Variants in INTS4 observed in about 807,000 individuals in gnomAD.
The protein encoded by INTS4 is integrator complex subunit 4, also known as MSTP093.
INTS4 carries 70 observed loss-of-function variants against 119.5 expected under a neutral mutation model. The observed-to-expected ratio is 0.59, with a 90% CI of 0.48 to 0.71. The LOEUF is 0.71. Among genes scored for constraint, INTS4 ranks in the 30% least tolerant of loss-of-function variants. The pLI is 0.00. For missense variants in INTS4, 867 were observed against 1,173.2 expected, an observed-to-expected ratio of 0.74 and a Z score of 3.81; for synonymous variants, 316 against 419.6, an observed-to-expected ratio of 0.75 and a Z score of 3.02.
chr11:77,922,102 C>A (rs980456301), intron 13 of INTS4, among the ~76,000 whole-genome samples: 1 of 151,740 alleles, frequency 6.6e-6, no homozygotes, highest in African/African-American at 2.4e-5. Flanking sequence ...GTAGCGGGCG[C>A]CTATAATCCC....
intron 1 of INTS4, among the ~76,000 whole-genome samples, chr11:77,994,361 A>G (rs1471411084): frequency 6.6e-6 from 1 of 152,208 alleles, no homozygotes. Context: ...CGTAAATTAA[A>G]AAACACTGTT....
chr11:77,939,589 A>G (rs1953880351), intron 9 of INTS4, among the ~76,000 whole-genome samples: 1 of 152,212 alleles, frequency 6.6e-6, no homozygotes, highest in South Asian at 2.1e-4. Flanking sequence ...TGGTTAGTGT[A>G]TCCAGTCCAC....
At position 77,928,639 on chromosome 11, in the gene INTS4, A is replaced by T. The variant is rs530058907; in HGVS notation, c.1166-92T>A. The T allele has an allele frequency of 3.0e-5, 45 of 1,510,572 alleles. No individual in the cohort carries two copies. In the Admixed American group the frequency reaches 8.7e-4, roughly 29 times the overall value. The allele number at this position is 1,510,572 out of a possible 1,614,324, so 93.6% of individuals were successfully genotyped here. On this transcript the variant is annotated intron_variant, in intron 10 of 22. Coordinates refer to ENST00000534064, the MANE Select transcript of INTS4 (RefSeq NM_033547.4). ...CACTTTGGGAGGCCAAGGGAGGCAG[A>T]TCACTTGAGCCCGCCTATGCAATGT...
At chr11:77,882,694 C>T (rs1388634395) in intron 22 of INTS4, among the ~76,000 whole-genome samples, 1 of 152,284 alleles carries the variant, frequency 6.6e-6, no homozygotes, top group South Asian at 2.1e-4. Flanking sequence ...GGCCTACCAC[C>T]ACTAGAACCC....
chr11:77,923,397 G>A (rs1953414085), intron 12 of INTS4, among the ~76,000 whole-genome samples: 2 of 150,396 alleles, frequency 1.3e-5, no homozygotes, highest in African/African-American at 4.9e-5. Flanking sequence ...GACGAATCCT[G>A]AAACCAACCT....
chr11:77,894,787 T>C (rs939708283), intron 18 of INTS4, among the ~76,000 whole-genome samples: 1 of 152,220 alleles, frequency 6.6e-6, no homozygotes, highest in African/African-American at 2.4e-5. Flanking sequence ...AGCTCCCAGA[T>C]AGCTGTGTGG....
At chr11:77,927,156 C>T (rs1184191638) in intron 11 of INTS4, among the ~76,000 whole-genome samples, 1 of 151,976 alleles carries the variant, frequency 6.6e-6, no homozygotes, top group Non-Finnish European at 1.5e-5. Context: ...AAAGTGACTT[C>T]AGCATAAAGT....
At chr11:77,973,972 C>T (rs1855840363) in intron 4 of INTS4, among the ~76,000 whole-genome samples, 2 of 152,104 alleles carry the variant, frequency 1.3e-5, no homozygotes, top group African/African-American at 4.8e-5. Context: ...CTCTCCTGTT[C>T]TATTTCTTGG....
intron 11 of INTS4, 151 bp from the exon 12 acceptor site, chr11:77,925,043 T>C (rs1447670232): frequency 5.2e-6 from 3 of 574,246 alleles, no homozygotes; most frequent in South Asian, 5.6e-5. Flanking sequence ...TCCTGAAATA[T>C]CTTTCATTTT....
At chr11:77,920,539 G>A (rs960875786) in intron 14 of INTS4, among the ~76,000 whole-genome samples, 2 of 151,916 alleles carry the variant, frequency 1.3e-5, no homozygotes, top group African/African-American at 4.8e-5. Context: ...GAGAATCATA[G>A]CTATATGTAA....
intron 2 of INTS4, among the ~76,000 whole-genome samples, chr11:77,984,889 G>A (rs1591147264): frequency 7.7e-6 from 1 of 129,950 alleles, no homozygotes; most frequent in Non-Finnish European, 1.6e-5. Flanking sequence ...GGAAAAAAGG[G>A]GGGGAAAAGA....
rs564557182 is a variant in INTS4, at chr11:77,927,045, G to A, written c.1371+1297C>T. On this transcript the variant is annotated intron_variant, in intron 11 of 22. Transcript: ENST00000534064. The stretch of plus-strand genomic sequence containing the variant: ...GGATATGTTACCTAATATAGGCTGT[G>A]GGAATAAGTGGACGTCTCCTGGGTT... Among the ~76,000 whole-genome samples the A allele has an allele frequency of 2.6e-5, 4 of 152,246 alleles. No homozygotes were observed. In the East Asian group the frequency reaches 7.7e-4, roughly 29 times the overall value.
At position 77,991,272 on chromosome 11, in the gene INTS4, GT is replaced by G; in HGVS notation, c.81del (p.Lys27AsnfsTer4). 6.2e-7 allele frequency: 1 copy of G among 1,613,752 alleles called. No individual in the cohort carries two copies. The highest frequency in any genetic ancestry group is 8.5e-7 in the Non-Finnish European group (1 of 1,179,714). On this transcript the variant is annotated frameshift_variant, in exon 2 of 23. Transcript: ENST00000534064. LOFTEE classifies it high-confidence loss of function. Reference protein sequence around the residue: ...VQPQEEIATKKLRLTKPSKSA... With the variant: ...VQPQEEIATKXLRLTKPSKSA... The stretch of plus-strand genomic sequence containing the variant: ...GATTTACTTGGTTTTGTTAGTCGGA[GT>G]TTCTTAGTAGCAATTTCCTCCTGTG...
At chr11:77,897,831 T>G (rs1055607461) in intron 18 of INTS4, among the ~76,000 whole-genome samples, 1 of 151,794 alleles carries the variant, frequency 6.6e-6, no homozygotes, top group Non-Finnish European at 1.5e-5. Context: ...TTTTAAGACA[T>G]AGGGTCTTGT....
At chr11:77,910,887 C>A (rs1309131637) in intron 15 of INTS4, 1 of 597,860 alleles carries the variant, frequency 1.7e-6, no homozygotes, top group Non-Finnish European at 2.8e-6. Context: ...ATTACCTAAC[C>A]ATCTCAGCAT....
intron 1 of INTS4, 118 bp from the exon 2 acceptor site, chr11:77,991,417 T>C (rs1856684007): frequency 2.5e-6 from 2 of 808,866 alleles, no homozygotes; most frequent in African/African-American, 1.7e-5. Flanking sequence ...CTTAGGAAAA[T>C]ACAGTATTAT....
At chr11:77,952,800 G>A (rs948781502) in intron 8 of INTS4, among the ~76,000 whole-genome samples, 1 of 152,008 alleles carries the variant, frequency 6.6e-6, no homozygotes, top group Non-Finnish European at 1.5e-5. Flanking sequence ...TGAAAATTTT[G>A]AATGATTCTT....
At chr11:77,973,214 A>G (rs1410033017) in intron 4 of INTS4, among the ~76,000 whole-genome samples, 1 of 152,192 alleles carries the variant, frequency 6.6e-6, no homozygotes, top group Non-Finnish European at 1.5e-5. Flanking sequence ...TGTTCACTGC[A>G]AGTGTATATA....
chr11:77,931,747 G>A (rs1953654964), intron 10 of INTS4, among the ~76,000 whole-genome samples: 1 of 152,086 alleles, frequency 6.6e-6, no homozygotes, highest in South Asian at 2.1e-4. Context: ...CAGATATATA[G>A]ACCAATGGAA....
Sources: allele counts gnomAD v4.1 joint callset (sites outside exome capture counted in the v4.1 genomes callset), GRCh38; gene constraint gnomAD v4.1.1; transcripts MANE v1.5; gene names NCBI Gene and HGNC (gene_info 2026-07-23, HGNC 2026-07-21).